The following DYNC1I1 variants were observed in gnomAD, a reference collection of about 807,000 sequenced individuals.
The protein encoded by DYNC1I1 is cytoplasmic dynein 1 intermediate chain 1.
DYNC1I1 carries 43 observed loss-of-function variants against 86.6 expected under a neutral mutation model. That is an observed-to-expected ratio of 0.50 (90% CI 0.39 to 0.64). The LOEUF (loss-of-function observed/expected upper bound fraction) is 0.64. DYNC1I1 is among the 30% of genes least tolerant of loss of function. DYNC1I1 has a pLI of 0.00. For synonymous variants in DYNC1I1, 262 were observed against 283.7 expected (o/e 0.92, Z 0.77); for missense variants, 604 against 788.8 (o/e 0.77, Z 2.81).
intron 16 of DYNC1I1, among the ~76,000 whole-genome samples, chr7:96,107,889 T>C (rs1584324868): frequency 6.8e-6 from 1 of 147,488 alleles, no homozygotes; most frequent in Middle Eastern, 3.4e-3. Flanking sequence ...TTTTTTTTTT[T>C]TGGAGTACTT....
chr7:95,914,714 C>T (rs980512957), intron 6 of DYNC1I1, among the ~76,000 whole-genome samples: 2 of 152,122 alleles, frequency 1.3e-5, no homozygotes, highest in East Asian at 1.9e-4. Flanking sequence ...ATGAAGTCTG[C>T]GTTTGAGGAA....
At chr7:96,107,979 A>G (rs1262785831) in intron 16 of DYNC1I1, among the ~76,000 whole-genome samples, 1 of 143,102 alleles carries the variant, frequency 7.0e-6, no homozygotes, top group Non-Finnish European at 1.5e-5. Flanking sequence ...GATCCCTTGT[A>G]TGTGATGAGT....
rs370815478 is a variant in DYNC1I1, at chr7:95,804,865, G to A, written c.108+28G>A. ...AAATCCTGGGTGTTGGGGTGTTGTG[G>A]GGGAAAAAGGAAAATCACTTGATTC... On this transcript the variant is annotated intron_variant, in intron 2 of 16. Coordinates refer to ENST00000447467, the MANE Select transcript of DYNC1I1 (RefSeq NM_001135556.2). The A allele has an allele frequency of 7.8e-4, 1,197 of 1,534,158 alleles. 1 individual carries two copies. Among genetic ancestry groups the A allele is most frequent in the Non-Finnish European group, 1.0e-3 (1,146 of 1,141,160 alleles).
Position 96,097,618 on chromosome 7 carries a change from GC to G in DYNC1I1, c.*30del. 1 of 1,612,858 alleles carries G rather than the reference GC, an allele frequency of 6.2e-7. No individual in the cohort carries two copies. Among genetic ancestry groups the G allele is most frequent in the Non-Finnish European group, 8.5e-7 (1 of 1,179,346 alleles). ...GTGGAAATGAGCCACCCCCACTGCA[GC>G]CCCCACCTTTGTGTCCTAGAGCTCA... On this transcript the variant is annotated 3_prime_UTR_variant, in exon 17 of 17. Coordinates refer to ENST00000447467, the MANE Select transcript of DYNC1I1 (RefSeq NM_001135556.2).
At chr7:96,089,760 A>C (rs984591751) in intron 16 of DYNC1I1, among the ~76,000 whole-genome samples, 11 of 152,126 alleles carry the variant, frequency 7.2e-5, no homozygotes, top group African/African-American at 2.4e-4. Flanking sequence ...TTTGTGCCCA[A>C]ACATTCAGTA....
chr7:95,852,934 C>A (rs1413779411), intron 5 of DYNC1I1, among the ~76,000 whole-genome samples: 1 of 152,010 alleles, frequency 6.6e-6, no homozygotes, highest in South Asian at 2.1e-4. Flanking sequence ...TTGCTATAAA[C>A]TTTTATTCCA....
intron 16 of DYNC1I1, among the ~76,000 whole-genome samples, chr7:96,096,152 G>A (rs1321699676): frequency 6.6e-6 from 1 of 152,042 alleles, no homozygotes; most frequent in Non-Finnish European, 1.5e-5. Context: ...GATATACTTT[G>A]CACAATGAAG....
chr7:95,834,885 G>A (rs1407891190), intron 5 of DYNC1I1, among the ~76,000 whole-genome samples: 1 of 151,850 alleles, frequency 6.6e-6, no homozygotes, highest in African/African-American at 2.4e-5. Flanking sequence ...AGTCTTGCTA[G>A]CAGTCTATGT....
At chr7:95,873,560 A>C (rs1233750549) in intron 6 of DYNC1I1, among the ~76,000 whole-genome samples, 1 of 152,158 alleles carries the variant, frequency 6.6e-6, no homozygotes, top group Admixed American at 6.5e-5. Flanking sequence ...GCGAGTACTT[A>C]TGTTTTCAAA....
chr7:96,028,684 G>A (rs553097024), intron 11 of DYNC1I1, among the ~76,000 whole-genome samples: 1 of 152,292 alleles, frequency 6.6e-6, no homozygotes, highest in Non-Finnish European at 1.5e-5. Context: ...GAAGAGTAAG[G>A]ATTTCACATC....
At chr7:95,902,623 G>A (rs997067078) in intron 6 of DYNC1I1, among the ~76,000 whole-genome samples, 1 of 152,124 alleles carries the variant, frequency 6.6e-6, no homozygotes, top group Non-Finnish European at 1.5e-5. Flanking sequence ...ATATATTGGG[G>A]AAACCATTGC....
intron 10 of DYNC1I1, among the ~76,000 whole-genome samples, chr7:96,002,462 T>C (rs1490582496): frequency 4.6e-5 from 7 of 152,200 alleles, no homozygotes; most frequent in Non-Finnish European, 8.8e-5. Context: ...ATTTGGATTC[T>C]ACCACTTAGA....
intron 4 of DYNC1I1, 142 bp downstream of exon 4, chr7:95,813,479 G>C: frequency 2.7e-6 from 3 of 1,102,222 alleles, no homozygotes; most frequent in Non-Finnish European, 3.8e-6. Context: ...ATTTATGGTG[G>C]CTTGCTATTT....
chr7:95,974,729 A>G (rs1018459840), intron 6 of DYNC1I1, among the ~76,000 whole-genome samples: 3 of 152,160 alleles, frequency 2.0e-5, no homozygotes, highest in Admixed American at 1.3e-4. Context: ...GTTGTAGAAT[A>G]CCTGATAAAT....
At chr7:95,930,132 C>T (rs993795565) in intron 6 of DYNC1I1, among the ~76,000 whole-genome samples, 1 of 152,204 alleles carries the variant, frequency 6.6e-6, no homozygotes, top group Non-Finnish European at 1.5e-5. Flanking sequence ...CCCATTTTCC[C>T]AGACCATGTG....
chr7:95,933,715 TA>T (rs869131421), intron 6 of DYNC1I1, among the ~76,000 whole-genome samples: 2 of 151,844 alleles, frequency 1.3e-5, no homozygotes, highest in African/African-American at 2.4e-5. Flanking sequence ...ACATTTTTTT[TA>T]AAAAAAACTT....
intron 5 of DYNC1I1, among the ~76,000 whole-genome samples, chr7:95,860,200 C>G (rs6968937): frequency 1.3e-5 from 2 of 152,034 alleles, no homozygotes; most frequent in Admixed American, 1.3e-4. Context: ...TTGATGTATT[C>G]TATCTCCTCA....
At chr7:95,883,439 TAG>T (rs1190664721) in intron 6 of DYNC1I1, among the ~76,000 whole-genome samples, 2 of 152,200 alleles carry the variant, frequency 1.3e-5, no homozygotes, top group Non-Finnish European at 2.9e-5. Flanking sequence ...CTTGACTGAA[TAG>T]AGTTTCTACT....
At chr7:95,949,482 C>T (rs1325039560) in intron 6 of DYNC1I1, among the ~76,000 whole-genome samples, 1 of 152,148 alleles carries the variant, frequency 6.6e-6, no homozygotes, top group African/African-American at 2.4e-5. Flanking sequence ...CTCTCAGTGA[C>T]CATTAACTTA....
Sources: gnomAD v4.1 joint callset for allele counts (sites outside exome capture counted in the v4.1 genomes callset) on GRCh38, gnomAD v4.1.1 for gene constraint, MANE v1.5 for transcripts, NCBI Gene and HGNC (gene_info 2026-07-23, HGNC 2026-07-21) for gene names.